The following GSE1 variants were observed in gnomAD, a reference collection of about 807,000 sequenced individuals.
GSE1 encodes the protein genetic suppressor element 1.
In GSE1, 32 loss-of-function variants were observed where a neutral mutation model predicts 112.6. The observed-to-expected ratio is 0.28, with a 90% confidence interval of 0.21 to 0.38. The LOEUF (loss-of-function observed/expected upper bound fraction) is 0.38. Among genes scored for constraint, GSE1 ranks in the 10% least tolerant of loss-of-function variants. The pLI, the probability that GSE1 is intolerant of heterozygous loss-of-function variation, is 1.00. For synonymous variants in GSE1, 1,115 were observed against 735.6 expected (o/e 1.52, Z -8.35); for missense variants, 2,348 against 1,699.2 (o/e 1.38, Z -6.71).
chr16:85,664,289 GCCT>G (rs2052661215), intron 11 of GSE1, among the ~76,000 whole-genome samples: 1 of 152,218 alleles, frequency 6.6e-6, no homozygotes, highest in South Asian at 2.1e-4. Flanking sequence ...TGGGCCCCTG[GCCT>G]CCTCTCTGGG....
rs1254962057 is a variant in GSE1 at position 85,664,828 on chromosome 16, G to T, written c.2645-187G>T. 4 of 587,738 alleles carry T rather than the reference G, an allele frequency of 6.8e-6. No homozygotes were observed. The African/African-American group carries it at 7.5e-5, about 11-fold the overall frequency. The allele number at this position is 587,738 out of a possible 1,614,324, so 36.4% of individuals were successfully genotyped here. On this transcript the variant is annotated intron_variant, in intron 11 of 15. Coordinates refer to ENST00000253458, the MANE Select transcript of GSE1 (RefSeq NM_014615.5). ...TCTAGGACATTGTGTAGTGGATGCC[G>T]AGAGCAATCTGGGCTCGCTTTGAGA...
intron 1 of GSE1, among the ~76,000 whole-genome samples, chr16:85,602,455 G>T (rs1325767037): frequency 2.6e-5 from 4 of 152,172 alleles, no homozygotes; most frequent in African/African-American, 9.7e-5. Context: ...GGCCCTGGCC[G>T]CCCTGGGGTT....
chr16:85,300,484 C>T (rs761550865), intron 1 of GSE1, among the ~76,000 whole-genome samples: 1 of 152,218 alleles, frequency 6.6e-6, no homozygotes, highest in Non-Finnish European at 1.5e-5. Context: ...ACCACTCATC[C>T]GCTTCCTGTC....
intron 2 of GSE1, among the ~76,000 whole-genome samples, chr16:85,545,543 C>G (rs2044666582): frequency 6.6e-6 from 1 of 152,156 alleles, no homozygotes; most frequent in Non-Finnish European, 1.5e-5. Flanking sequence ...GAGTTCCAGT[C>G]TGAGCATTGC....
intron 1 of GSE1, among the ~76,000 whole-genome samples, chr16:85,291,867 G>C (rs2045224925): frequency 6.6e-6 from 1 of 152,176 alleles, no homozygotes; most frequent in South Asian, 2.1e-4. Context: ...CACCACAAAG[G>C]GCCCTTATTT....
chr16:85,390,127 G>A (rs890109540), intron 2 of GSE1, among the ~76,000 whole-genome samples: 1 of 152,186 alleles, frequency 6.6e-6, no homozygotes, highest in Non-Finnish European at 1.5e-5. Context: ...AGTTATGATG[G>A]ATACATAATA....
At chr16:85,400,249 TTGTGTGTGTGTGTGTG>T (rs60393248) in intron 2 of GSE1, among the ~76,000 whole-genome samples, 12 of 150,590 alleles carry the variant, frequency 8.0e-5, no homozygotes, top group African/African-American at 9.8e-5. Flanking sequence ...AAGTGTAGGG[TTGTGTGTGTGTGTGTG>T]TGTGTGTGTG....
chr16:85,463,125 A>G (rs928337832), intron 2 of GSE1: 14 of 984,542 alleles, frequency 1.4e-5, no homozygotes, highest in African/African-American at 7.0e-5. Flanking sequence ...CCAGAACCTC[A>G]GTAAGTGCCC....
intron 2 of GSE1, among the ~76,000 whole-genome samples, chr16:85,504,169 C>T (rs530452497): frequency 1.5e-4 from 23 of 152,206 alleles, no homozygotes; most frequent in Non-Finnish European, 2.9e-4. Context: ...ACAGGTACCC[C>T]GCTCAGCAGA....
chr16:85,333,168 C>T (rs1485616126), intron 1 of GSE1, among the ~76,000 whole-genome samples: 3 of 152,146 alleles, frequency 2.0e-5, no homozygotes, highest in Non-Finnish European at 2.9e-5. Flanking sequence ...GCAGGCCCAG[C>T]GTCTGTAGGG....
At chr16:85,485,480 C>T (rs534665077) in intron 2 of GSE1, among the ~76,000 whole-genome samples, 11 of 152,368 alleles carry the variant, frequency 7.2e-5, no homozygotes, top group African/African-American at 2.6e-4. Context: ...CCAGGCATGG[C>T]CCCTGCTCAG....
intron 1 of GSE1, among the ~76,000 whole-genome samples, chr16:85,626,202 C>G (rs2049057671): frequency 6.6e-6 from 1 of 152,130 alleles, no homozygotes; most frequent in Non-Finnish European, 1.5e-5. Context: ...GACCTCTCCC[C>G]AGGGTCTCCC....
chr16:85,303,526 G>A (rs970942290), intron 1 of GSE1, among the ~76,000 whole-genome samples: 1 of 152,238 alleles, frequency 6.6e-6, no homozygotes, highest in African/African-American at 2.4e-5. Flanking sequence ...CGGGGCCGCT[G>A]GACTCGCTCA....
rs553772831 is a variant in GSE1 at position 85,235,642 on chromosome 16, C to A, written c.2283+63835C>A. On this transcript the variant is annotated intron_variant, in intron 1 of 2. Transcript: ENST00000637419. ...GGGGGTGGGGCTCATACTCCTCGTC[C>A]CCCCTCCTCCCCCCGAGGGTGGGGT... Among the ~76,000 whole-genome samples the A allele has an allele frequency of 1.0e-3, 154 of 151,764 alleles. 1 individual carries two copies. The highest frequency in any genetic ancestry group is 3.7e-3 in the African/African-American group (152 of 41,414).
At chr16:85,410,383 T>G (rs146442523) in intron 2 of GSE1, among the ~76,000 whole-genome samples, 1,480 of 9,824 alleles carry the variant, frequency 0.15, 156 homozygotes, top group Non-Finnish European at 0.19. Flanking sequence ...AATCCTCACT[T>G]TTACACTCAG....
At chr16:85,408,033 C>A (rs1876296362) in intron 2 of GSE1, among the ~76,000 whole-genome samples, 7 of 50,306 alleles carry the variant, frequency 1.4e-4, no homozygotes, top group African/African-American at 2.3e-4. Flanking sequence ...CACTCAGGGC[C>A]CCCCTGGATA....
chr16:85,665,497 C>CGGG (rs1226069859), intron 12 of GSE1, among the ~76,000 whole-genome samples: 2 of 152,248 alleles, frequency 1.3e-5, no homozygotes, highest in African/African-American at 4.8e-5. Context: ...CCTGGTCCTG[C>CGGG]CACTAGCCTA....
intron 1 of GSE1, among the ~76,000 whole-genome samples, chr16:85,604,015 C>T (rs971581584): frequency 1.3e-5 from 2 of 152,248 alleles, no homozygotes; most frequent in Middle Eastern, 3.4e-3. Flanking sequence ...AAGCATGGTG[C>T]TCACATCTGC....
At chr16:85,270,150 T>G (rs1908687371) in intron 1 of GSE1, among the ~76,000 whole-genome samples, 1 of 149,066 alleles carries the variant, frequency 6.7e-6, no homozygotes, top group Admixed American at 6.7e-5. Flanking sequence ...CAGAAGGGAC[T>G]GGACAGACGC....
Sources: gnomAD v4.1 joint callset for allele counts (sites outside exome capture counted in the v4.1 genomes callset) on GRCh38, gnomAD v4.1.1 for gene constraint, MANE v1.5 for transcripts, NCBI Gene and HGNC (gene_info 2026-07-23, HGNC 2026-07-21) for gene names.